The following GALNT13 variants were observed in gnomAD, a reference collection of about 807,000 sequenced individuals.
GALNT13 encodes the protein polypeptide N-acetylgalactosaminyltransferase 13.
GALNT13 carries 28 observed loss-of-function variants against 64.2 expected under a neutral mutation model. The observed-to-expected ratio is 0.44, with a 90% CI of 0.32 to 0.60. The LOEUF (loss-of-function observed/expected upper bound fraction) is 0.60, where lower values mean the gene tolerates loss of function less well. Ranked by LOEUF, GALNT13 falls within the 20% of genes least tolerant of loss-of-function variation. The probability of loss-of-function intolerance (pLI) is 0.05; values close to 1 mark genes in which losing one functional copy is unlikely to be tolerated. For synonymous variants in GALNT13, 214 were observed against 224.6 expected (o/e 0.95, Z 0.42); for missense variants, 577 against 669.8 (o/e 0.86, Z 1.53).
chr2:153,482,657 G>A, the GALNT13 span, among the ~76,000 whole-genome samples: 1 of 152,140 alleles, frequency 6.6e-6, no homozygotes, highest in African/African-American at 2.4e-5. Flanking sequence ...TTTTGGTAGA[G>A]ACAGGCTTTT....
intron 2 of GALNT13, among the ~76,000 whole-genome samples, chr2:153,936,283 C>G (rs1332685345): frequency 1.3e-5 from 2 of 152,170 alleles, no homozygotes; most frequent in Non-Finnish European, 2.9e-5. Context: ...GACTTAAGGA[C>G]TACAGGAATA....
At chr2:154,180,213 A>C (rs983086536) in intron 4 of GALNT13, among the ~76,000 whole-genome samples, 1 of 152,132 alleles carries the variant, frequency 6.6e-6, no homozygotes, top group Non-Finnish European at 1.5e-5. Context: ...CTTTTTATTC[A>C]GTGACTCTTT....
the GALNT13 span, among the ~76,000 whole-genome samples, chr2:153,250,274 A>T: frequency 2.6e-5 from 4 of 152,276 alleles, no homozygotes; most frequent in Admixed American, 2.6e-4. Flanking sequence ...GCAACAAAAT[A>T]TGGAAAAAAG....
At chr2:153,781,855 T>C in the GALNT13 span, among the ~76,000 whole-genome samples, 2 of 152,176 alleles carry the variant, frequency 1.3e-5, no homozygotes, top group Admixed American at 6.5e-5. Flanking sequence ...TAATAGAATA[T>C]GGAAAATGTC....
At chr2:153,489,980 T>TACACACAC in the GALNT13 span, among the ~76,000 whole-genome samples, 155 of 147,976 alleles carry the variant, frequency 1.0e-3, 1 homozygote, top group East Asian at 3.2e-3. Context: ...GGCCCTGTTT[T>TACACACAC]ACACACACAC....
At chr2:153,574,757 T>A in the GALNT13 span, among the ~76,000 whole-genome samples, 3 of 151,864 alleles carry the variant, frequency 2.0e-5, no homozygotes, top group African/African-American at 7.3e-5. Flanking sequence ...TCTGAATTCT[T>A]TGAATTCAGA....
At chr2:153,630,080 G>A in the GALNT13 span, among the ~76,000 whole-genome samples, 1 of 149,090 alleles carries the variant, frequency 6.7e-6, no homozygotes, top group African/African-American at 2.5e-5. Flanking sequence ...CATTGTGGAA[G>A]TCAGTGTGGC....
At chr2:153,544,614 AT>A in the GALNT13 span, among the ~76,000 whole-genome samples, 1 of 152,192 alleles carries the variant, frequency 6.6e-6, no homozygotes, top group African/African-American at 2.4e-5. Context: ...ACTAAGAAAA[AT>A]TTTTGTCCAA....
chr2:153,934,920 T>C lies in GALNT13; in HGVS notation c.-104-9474T>C, dbSNP rs146289442. 7.9e-5 allele frequency among the ~76,000 whole-genome samples: 12 copies of C among 152,312 alleles called. No homozygotes were observed. The South Asian group carries it at 1.9e-3, about 24-fold the overall frequency. On this transcript the variant is annotated intron_variant, in intron 2 of 12. Transcript: ENST00000392825. ...AGAGTGGAGGAGTGTCTCTCAATGA[T>C]ATCCACTTTTGATCTTTGATCATGT...
the GALNT13 span, among the ~76,000 whole-genome samples, chr2:153,632,473 C>A: frequency 8.5e-5 from 13 of 152,098 alleles, no homozygotes; most frequent in African/African-American, 3.1e-4. Context: ...GTATCATATA[C>A]AATAGTTTCA....
chr2:153,132,585 A>G, the GALNT13 span, among the ~76,000 whole-genome samples: 2 of 152,200 alleles, frequency 1.3e-5, no homozygotes, highest in Non-Finnish European at 2.9e-5. Flanking sequence ...ACGTATGTCT[A>G]CTTCACAATT....
the GALNT13 span, among the ~76,000 whole-genome samples, chr2:153,508,628 T>C: frequency 6.6e-6 from 1 of 152,190 alleles, no homozygotes; most frequent in East Asian, 1.9e-4. Context: ...GCTGAGAACT[T>C]GCCCCAACTA....
At chr2:153,572,241 T>C in the GALNT13 span, among the ~76,000 whole-genome samples, 2 of 151,776 alleles carry the variant, frequency 1.3e-5, no homozygotes, top group African/African-American at 2.4e-5. Context: ...TAGTTGCTCA[T>C]AGTAACCGCT....
At chr2:153,540,621 T>C in the GALNT13 span, among the ~76,000 whole-genome samples, 2 of 152,178 alleles carry the variant, frequency 1.3e-5, no homozygotes, top group African/African-American at 4.8e-5. Flanking sequence ...CCCGGGCCTG[T>C]ATCCTACTGA....
intron 8 of GALNT13, among the ~76,000 whole-genome samples, chr2:154,283,545 T>A (rs1692080860): frequency 6.7e-6 from 1 of 148,708 alleles, no homozygotes; most frequent in South Asian, 2.1e-4. Flanking sequence ...ACCACTGCAC[T>A]CCAGCCTGGG....
At chr2:154,172,470 G>A (rs918976998) in intron 4 of GALNT13, among the ~76,000 whole-genome samples, 1 of 151,606 alleles carries the variant, frequency 6.6e-6, no homozygotes, top group African/African-American at 2.4e-5. Context: ...CTGGCCTCTG[G>A]TAACCACCAA....
At chr2:154,378,543 T>G (rs552463064) in intron 9 of GALNT13, among the ~76,000 whole-genome samples, 8 of 152,272 alleles carry the variant, frequency 5.3e-5, no homozygotes, top group African/African-American at 1.7e-4. Context: ...TGTTTAACAA[T>G]GCAGACCGCA....
In GALNT13 at chr2:153,949,608, A is replaced by G. The variant is rs60756360; in HGVS notation, c.142+4969A>G. ...AACTAGTAAAAAGCAAAAAAATACT[A>G]AAATTCTAATAGAATGATAAAGATT... On this transcript the variant is annotated intron_variant, in intron 3 of 12. Coordinates refer to ENST00000392825, the MANE Select transcript of GALNT13 (RefSeq NM_052917.4). Among the ~76,000 whole-genome samples the G allele has an allele frequency of 7.0e-3, 1,059 of 152,174 alleles. 12 individuals carry two copies. The highest frequency in any genetic ancestry group is 0.024 in the African/African-American group (1,006 of 41,526).
At position 154,148,081 on chromosome 2, in the gene GALNT13, C is replaced by A. The variant is rs141829413; in HGVS notation, c.311+7576C>A. On this transcript the variant is annotated intron_variant, in intron 4 of 12. Coordinates refer to ENST00000392825, the MANE Select transcript of GALNT13 (RefSeq NM_052917.4). ...TATCCCTCCACCCTCCACCTTCCCC[C>A]CTCCCCACAACAGTCCCCAGAGTGT... Among the ~76,000 whole-genome samples, 9 of 152,144 alleles carry A rather than the reference C, an allele frequency of 5.9e-5. No homozygotes were observed. In the South Asian group the frequency reaches 6.2e-4, roughly 11 times the overall value.
Sources: allele counts gnomAD v4.1 joint callset (sites outside exome capture counted in the v4.1 genomes callset), GRCh38; gene constraint gnomAD v4.1.1; transcripts MANE v1.5; gene names NCBI Gene and HGNC (gene_info 2026-07-23, HGNC 2026-07-21).